Variants in SUSD1 observed in about 807,000 individuals in gnomAD.
SUSD1 encodes sushi domain-containing protein 1.
A neutral mutation model predicts 86.9 loss-of-function variants in SUSD1; 65 were observed. The observed-to-expected ratio is 0.75, with a 90% confidence interval of 0.61 to 0.92. The LOEUF (loss-of-function observed/expected upper bound fraction) is 0.92. Ranked by LOEUF, SUSD1 falls within the 40% of genes least tolerant of loss-of-function variation. The pLI is 0.00. For missense variants in SUSD1, 850 were observed against 929.7 expected (o/e 0.91, Z 1.11); for synonymous variants, 346 against 350.0 (o/e 0.99, Z 0.13).
intron 12 of SUSD1, among the ~76,000 whole-genome samples, chr9:112,064,650 C>T (rs1368169068): frequency 3.3e-5 from 5 of 151,370 alleles, no homozygotes; most frequent in South Asian, 2.1e-4. Flanking sequence ...CCAAGGCAGG[C>T]GGATCACCGG....
In SUSD1 at chr9:112,041,108, G is replaced by C; in HGVS notation, c.*384C>G. 1 of 359,558 alleles carries C rather than the reference G, an allele frequency of 2.8e-6. No homozygotes were observed. Among genetic ancestry groups the C allele is most frequent in the East Asian group, 4.5e-5 (1 of 22,258 alleles). The allele number at this position is 359,558 out of a possible 1,614,324, so 22.3% of individuals were successfully genotyped here. Reference sequence around the variant, plus strand: ...TTAACAGAAATGCTTTTATATAGGAGGTTGCAGAGATTCTCTTGCAGTCAA... The same window carrying C: ...TTAACAGAAATGCTTTTATATAGGACGTTGCAGAGATTCTCTTGCAGTCAA... On this transcript the variant is annotated 3_prime_UTR_variant, in exon 17 of 17. Transcript: ENST00000374270.
intron 14 of SUSD1, among the ~76,000 whole-genome samples, chr9:112,053,165 C>T (rs1470917005): frequency 1.3e-5 from 2 of 151,954 alleles, no homozygotes; most frequent in African/African-American, 4.8e-5. Context: ...AAATGACAGC[C>T]TTGGGCATTC....
chr9:112,090,211 G>A (rs915954054), intron 10 of SUSD1, among the ~76,000 whole-genome samples: 7 of 152,106 alleles, frequency 4.6e-5, no homozygotes, highest in African/African-American at 1.4e-4. Context: ...AAAGTTAAAC[G>A]AAACTACTTT....
chr9:112,134,330 T>C (rs569162931), intron 5 of SUSD1, among the ~76,000 whole-genome samples: 1 of 152,224 alleles, frequency 6.6e-6, no homozygotes, highest in East Asian at 1.9e-4. Flanking sequence ...CCATCAGTGG[T>C]GGATTGGATA....
chr9:112,111,592 T>C lies in SUSD1; in HGVS notation c.1171+62A>G, dbSNP rs534301517. On this transcript the variant is annotated intron_variant, in intron 8 of 16. Transcript: ENST00000374270. ...CTCCAGCCCAGCTGATTCTGCAGCATACTTCCCCACATTCTGTGCTTAGCA... is the reference window on the plus strand; with the variant it reads ...CTCCAGCCCAGCTGATTCTGCAGCACACTTCCCCACATTCTGTGCTTAGCA... 55 of 1,562,182 alleles carry C rather than the reference T, an allele frequency of 3.5e-5. No individual in the cohort carries two copies. The South Asian group carries it at 4.3e-4, about 12-fold the overall frequency.
rs1359950289 is a variant in SUSD1 at position 112,140,222 on chromosome 9, C to T, written c.706+2098G>A. Among the ~76,000 whole-genome samples the T allele has an allele frequency of 3.1e-5, 4 of 128,276 alleles. 2 individuals carry two copies. Among genetic ancestry groups the T allele is most frequent in the African/African-American group, 1.5e-4 (4 of 26,944 alleles). 84.2% of individuals were successfully genotyped at this position (128,276 alleles called of 152,430 possible). ...CCAAAAATACAAAAAATTAGCCGGG[C>T]GCGGTGGCGGGCGCCTGTAGTCCCA... On this transcript the variant is annotated intron_variant, in intron 5 of 16. Coordinates refer to ENST00000374270, the MANE Select transcript of SUSD1 (RefSeq NM_022486.5).
intron 2 of SUSD1, among the ~76,000 whole-genome samples, chr9:112,150,864 T>G (rs1833014573): frequency 6.6e-6 from 1 of 152,232 alleles, no homozygotes; most frequent in African/African-American, 2.4e-5. Flanking sequence ...CTTGCAGGAC[T>G]GGAAGCTGCT....
chr9:112,048,268 T>G lies in SUSD1; in HGVS notation c.2149+4131A>C, dbSNP rs529452099. ...TCACAGCAATACCTAGAACAGTCTT[T>G]GAATGAATAACTGAGAGAAGGTAGA... On this transcript the variant is annotated intron_variant, in intron 15 of 16. Transcript: ENST00000374270. Among the ~76,000 whole-genome samples the G allele has an allele frequency of 3.9e-5, 6 of 152,302 alleles. No homozygotes were observed. In the South Asian group the frequency reaches 6.2e-4, roughly 16 times the overall value.
intron 3 of SUSD1, among the ~76,000 whole-genome samples, chr9:112,148,322 G>C (rs949013740): frequency 6.6e-6 from 1 of 152,138 alleles, no homozygotes; most frequent in African/African-American, 2.4e-5. Context: ...AAAATTAGGA[G>C]GGTTTGTCCC....
chr9:112,067,686 C>A (rs1349658055), intron 12 of SUSD1, among the ~76,000 whole-genome samples: 1 of 152,156 alleles, frequency 6.6e-6, no homozygotes, highest in Non-Finnish European at 1.5e-5. Context: ...CCCCTTTAGA[C>A]CCTGGACTAA....
At chr9:112,049,195 G>A in intron 15 of SUSD1, among the ~76,000 whole-genome samples, 1 of 152,184 alleles carries the variant, frequency 6.6e-6, no homozygotes, top group African/African-American at 2.4e-5. Flanking sequence ...AGAGAGGCGT[G>A]CCCAAGGTGC....
At chr9:112,091,375 C>T (rs545023147) in intron 10 of SUSD1, among the ~76,000 whole-genome samples, 1 of 152,270 alleles carries the variant, frequency 6.6e-6, no homozygotes, top group Admixed American at 6.5e-5. Context: ...ACATAGATCT[C>T]AAATTATGCA....
At chr9:112,124,106 G>A in intron 6 of SUSD1, 151 bp downstream of exon 6, 1 of 670,086 alleles carries the variant, frequency 1.5e-6, no homozygotes, top group Admixed American at 2.8e-5. Flanking sequence ...TCAGGATTTA[G>A]CTGACAAATC....
At chr9:112,042,243 C>T (rs1198463578) in intron 15 of SUSD1, 2 of 1,252,212 alleles carry the variant, frequency 1.6e-6, no homozygotes, top group East Asian at 5.1e-5. Flanking sequence ...CACACAAATA[C>T]TATGCAACGT....
At chr9:112,070,359 G>A (rs1829213246) in intron 12 of SUSD1, among the ~76,000 whole-genome samples, 1 of 152,170 alleles carries the variant, frequency 6.6e-6, no homozygotes, top group African/African-American at 2.4e-5. Context: ...ACAAGCCTAA[G>A]CCTCGTCAGG....
chr9:112,078,140 T>C lies in SUSD1; in HGVS notation c.1753+398A>G, dbSNP rs138826544. 1.3e-3 allele frequency among the ~76,000 whole-genome samples: 201 copies of C among 151,924 alleles called. 1 individual carries two copies. The highest frequency in any genetic ancestry group is 4.6e-3 in the African/African-American group (191 of 41,428). On this transcript the variant is annotated intron_variant, in intron 12 of 16. Coordinates refer to ENST00000374270, the MANE Select transcript of SUSD1 (RefSeq NM_022486.5). Reference sequence around the variant, plus strand: ...CAGGTGGATTGCTTGAGCCCAGGAGTTCGAGACCAGCCTAGGCAACATAGT... The same window carrying C: ...CAGGTGGATTGCTTGAGCCCAGGAGCTCGAGACCAGCCTAGGCAACATAGT...
intron 14 of SUSD1, 67 bp from the exon 15 acceptor site, chr9:112,052,505 G>A: frequency 6.3e-7 from 1 of 1,578,384 alleles, no homozygotes; most frequent in East Asian, 2.2e-5. Flanking sequence ...ATATAGTTTG[G>A]AGGCTGAAGC....
intron 1 of SUSD1, among the ~76,000 whole-genome samples, chr9:112,164,788 C>CA (rs1183832795): frequency 6.6e-6 from 1 of 151,956 alleles, no homozygotes; most frequent in Non-Finnish European, 1.5e-5. Context: ...ACTAAAAATA[C>CA]AAAAAACTAG....
chr9:112,105,316 G>T (rs1830790301), intron 8 of SUSD1, among the ~76,000 whole-genome samples: 1 of 151,996 alleles, frequency 6.6e-6, no homozygotes, highest in Admixed American at 6.5e-5. Flanking sequence ...TTCCACACAG[G>T]GGTATTTGAA....
Sources: allele counts gnomAD v4.1 joint callset (sites outside exome capture counted in the v4.1 genomes callset), GRCh38; gene constraint gnomAD v4.1.1; transcripts MANE v1.5; gene names NCBI Gene and HGNC (gene_info 2026-07-23, HGNC 2026-07-21).